The following NRP1 variants were observed in gnomAD, a reference collection of about 807,000 sequenced individuals.
NRP1 encodes the protein neuropilin 1.
A neutral mutation model predicts 106.7 loss-of-function variants in NRP1; 35 were observed. That is an observed-to-expected ratio of 0.33 (90% CI 0.25 to 0.43). NRP1 has a LOEUF of 0.43. Among genes scored for constraint, NRP1 ranks in the 20% least tolerant of loss-of-function variants. NRP1 has a pLI of 1.00. For synonymous variants in NRP1, 437 were observed against 417.9 expected, an observed-to-expected ratio of 1.05 and a Z score of -0.56; for missense variants, 1,024 against 1,170.4, an observed-to-expected ratio of 0.87 and a Z score of 1.83.
chr10:33,277,485 C>A (rs1843790540), intron 2 of NRP1, among the ~76,000 whole-genome samples: 1 of 152,054 alleles, frequency 6.6e-6, no homozygotes, highest in South Asian at 2.1e-4. Flanking sequence ...CTGACCACCA[C>A]CAGCGCTGCC....
At chr10:33,198,420 G>T (rs1191417110) in intron 11 of NRP1, among the ~76,000 whole-genome samples, 4 of 152,018 alleles carry the variant, frequency 2.6e-5, no homozygotes, top group Non-Finnish European at 5.9e-5. Flanking sequence ...AGGATTACAG[G>T]TATGAGCCAC....
At chr10:33,230,830 C>A (rs964739210) in intron 6 of NRP1, among the ~76,000 whole-genome samples, 10 of 151,988 alleles carry the variant, frequency 6.6e-5, no homozygotes, top group Non-Finnish European at 1.3e-4. Flanking sequence ...ATATTAATGC[C>A]TTTTTTCCTG....
At chr10:33,267,495 A>G (rs1453114269) in intron 3 of NRP1, among the ~76,000 whole-genome samples, 5 of 152,156 alleles carry the variant, frequency 3.3e-5, no homozygotes, top group African/African-American at 1.2e-4. Flanking sequence ...AACAGTCAAG[A>G]TACTCTCTTT....
chr10:33,233,517 T>C (rs925809541), intron 6 of NRP1, among the ~76,000 whole-genome samples: 8 of 152,230 alleles, frequency 5.3e-5, no homozygotes, highest in South Asian at 4.1e-4. Flanking sequence ...CTTCCAGCCA[T>C]GAAATGAATA....
intron 6 of NRP1, among the ~76,000 whole-genome samples, chr10:33,236,332 A>G (rs1840552011): frequency 6.6e-6 from 1 of 152,246 alleles, no homozygotes. Flanking sequence ...CAAGAACCTC[A>G]TAGGAGAATC....
chr10:33,327,977 C>T (rs1330207506), intron 2 of NRP1, among the ~76,000 whole-genome samples: 3 of 152,046 alleles, frequency 2.0e-5, no homozygotes, highest in Non-Finnish European at 2.9e-5. Context: ...AATATAACAG[C>T]CTTTCAGCTT....
intron 3 of NRP1, among the ~76,000 whole-genome samples, chr10:33,268,364 C>T (rs79437194): frequency 0.029 from 4,428 of 152,122 alleles, 101 homozygotes; most frequent in Non-Finnish European, 0.049. Flanking sequence ...TGGTTAATGG[C>T]AGTGACATGG....
rs201507578 is a variant in NRP1, at chr10:33,225,790, A to AG, written c.1137+343dup. 5.6e-3 allele frequency among the ~76,000 whole-genome samples: 849 copies of AG among 152,292 alleles called. 13 individuals carry two copies. The highest frequency in any genetic ancestry group is 0.017 in the African/African-American group (724 of 41,572). On this transcript the variant is annotated intron_variant, in intron 7 of 16. Coordinates refer to ENST00000374867, the MANE Select transcript of NRP1 (RefSeq NM_003873.7). Reference sequence around the variant, plus strand: ...AATCTATGAAAGGATGAAGAAATCGAGGGGGGAAAAACAACAAAACCCCAA... The same window carrying AG: ...AATCTATGAAAGGATGAAGAAATCGAGGGGGGGAAAAACAACAAAACCCCAA...
At chr10:33,322,483 A>G (rs1023996028) in intron 2 of NRP1, among the ~76,000 whole-genome samples, 1 of 152,102 alleles carries the variant, frequency 6.6e-6, no homozygotes, top group African/African-American at 2.4e-5. Context: ...CTCCTGGCCT[A>G]AGCGATCTTC....
intron 2 of NRP1, among the ~76,000 whole-genome samples, chr10:33,276,753 G>C (rs1422971540): frequency 1.3e-5 from 2 of 152,116 alleles, no homozygotes; most frequent in South Asian, 4.1e-4. Flanking sequence ...ATTGTTGCTA[G>C]ACAATCATCT....
chr10:33,197,108 C>T (rs1381524144), intron 12 of NRP1, among the ~76,000 whole-genome samples: 1 of 152,120 alleles, frequency 6.6e-6, no homozygotes, highest in Non-Finnish European at 1.5e-5. Context: ...AGTCGTTACG[C>T]TTTTCTATTA....
chr10:33,222,526 TA>T (rs757911004), intron 7 of NRP1, among the ~76,000 whole-genome samples: 20,001 of 150,356 alleles, frequency 0.13, 1,705 homozygotes, highest in East Asian at 0.5. Context: ...TTTATTTATT[TA>T]TTTATTTATT....
At chr10:33,280,219 A>T (rs1199610432) in intron 2 of NRP1, among the ~76,000 whole-genome samples, 1 of 152,204 alleles carries the variant, frequency 6.6e-6, no homozygotes, top group African/African-American at 2.4e-5. Flanking sequence ...TTGTTTTTTA[A>T]AAAACCACCC....
intron 2 of NRP1, among the ~76,000 whole-genome samples, chr10:33,316,747 G>C (rs1395370664): frequency 6.6e-6 from 1 of 152,206 alleles, no homozygotes; most frequent in Non-Finnish European, 1.5e-5. Flanking sequence ...TTATGTATAA[G>C]ATTGCACAAA....
At chr10:33,260,543 C>T (rs1385219957) in intron 4 of NRP1, among the ~76,000 whole-genome samples, 2 of 152,160 alleles carry the variant, frequency 1.3e-5, no homozygotes, top group Admixed American at 1.3e-4. Context: ...GTGACGTGAG[C>T]TAAGCATTCA....
chr10:33,192,549 C>T (rs1032925795), intron 12 of NRP1, 131 bp from the exon 13 acceptor site: 14 of 926,352 alleles, frequency 1.5e-5, no homozygotes, highest in African/African-American at 1.0e-4. Flanking sequence ...TTGAAAATTC[C>T]AGGAAAGCCA....
intron 2 of NRP1, among the ~76,000 whole-genome samples, chr10:33,281,250 A>G (rs558179933): frequency 6.6e-6 from 1 of 152,208 alleles, no homozygotes; most frequent in Non-Finnish European, 1.5e-5. Flanking sequence ...GGGCTTCACC[A>G]CATTGGCCAG....
chr10:33,282,543 C>A (rs1296644070), intron 2 of NRP1, among the ~76,000 whole-genome samples: 1 of 152,014 alleles, frequency 6.6e-6, no homozygotes, highest in Admixed American at 6.5e-5. Flanking sequence ...TTTTTTCACC[C>A]CCCAGTAACT....
At chr10:33,313,798 G>A (rs1406863511) in intron 2 of NRP1, among the ~76,000 whole-genome samples, 1 of 152,166 alleles carries the variant, frequency 6.6e-6, no homozygotes, top group Admixed American at 6.5e-5. Flanking sequence ...TACGGACATG[G>A]TCCACACAGG....
Sources: allele counts gnomAD v4.1 joint callset (sites outside exome capture counted in the v4.1 genomes callset), GRCh38; gene constraint gnomAD v4.1.1; transcripts MANE v1.5; gene names NCBI Gene and HGNC (gene_info 2026-07-23, HGNC 2026-07-21).